The following SGCZ variants were observed in gnomAD, a reference collection of about 807,000 sequenced individuals.
SGCZ encodes the protein sarcoglycan zeta.
SGCZ carries 40 observed loss-of-function variants against 41.3 expected under a neutral mutation model. The ratio of observed to expected loss-of-function variants is 0.97; its 90% CI spans 0.75 to 1.26. SGCZ has a LOEUF of 1.26. Among genes scored for constraint, SGCZ ranks in the 50% most tolerant of loss-of-function variants. SGCZ has a pLI of 0.00. For synonymous variants in SGCZ, 206 were observed against 137.5 expected, an observed-to-expected ratio of 1.50 and a Z score of -3.49; for missense variants, 552 against 369.8, an observed-to-expected ratio of 1.49 and a Z score of -4.04.
chr8:14,790,628 T>C (rs2130467032), intron 1 of SGCZ, among the ~76,000 whole-genome samples: 1 of 152,218 alleles, frequency 6.6e-6, no homozygotes. Flanking sequence ...TATCCAATAA[T>C]ACGGAGATAG....
At chr8:14,388,274 T>G (rs918553735) in intron 2 of SGCZ, among the ~76,000 whole-genome samples, 1 of 152,038 alleles carries the variant, frequency 6.6e-6, no homozygotes, top group Non-Finnish European at 1.5e-5. Context: ...ATATCACAGT[T>G]GCAGCCATGT....
At chr8:14,191,479 T>A (rs568534281) in intron 4 of SGCZ, among the ~76,000 whole-genome samples, 2 of 152,324 alleles carry the variant, frequency 1.3e-5, no homozygotes, top group South Asian at 4.1e-4. Context: ...TAGGTATAGA[T>A]CTTTAATCCA....
intron 1 of SGCZ, among the ~76,000 whole-genome samples, chr8:14,789,790 C>G (rs141478320): frequency 9.8e-4 from 149 of 152,150 alleles, no homozygotes; most frequent in African/African-American, 3.4e-3. Flanking sequence ...TATTTTTGTA[C>G]TCTCAGTACA....
intron 1 of SGCZ, among the ~76,000 whole-genome samples, chr8:14,685,793 T>C (rs2117554457): frequency 6.6e-6 from 1 of 152,190 alleles, no homozygotes; most frequent in Non-Finnish European, 1.5e-5. Context: ...ACACAGCTGT[T>C]AGGAAAAAAA....
chr8:14,243,821 T>C (rs1402770143), intron 3 of SGCZ, among the ~76,000 whole-genome samples: 1 of 152,152 alleles, frequency 6.6e-6, no homozygotes, highest in Non-Finnish European at 1.5e-5. Flanking sequence ...CACCCTTCAG[T>C]TCCTCAGTCA....
chr8:14,694,304 G>A (rs1343173381), intron 1 of SGCZ, among the ~76,000 whole-genome samples: 1 of 152,152 alleles, frequency 6.6e-6, no homozygotes, highest in South Asian at 2.1e-4. Flanking sequence ...TTACAAAAGT[G>A]CTCTTTGAAA....
chr8:14,776,637 G>A (rs1192993098), intron 1 of SGCZ, among the ~76,000 whole-genome samples: 4 of 150,864 alleles, frequency 2.7e-5, no homozygotes, highest in East Asian at 3.9e-4. Flanking sequence ...GGGACTACAG[G>A]CGCCTACCAC....
At chr8:14,428,204 A>G (rs532292708) in intron 2 of SGCZ, among the ~76,000 whole-genome samples, 1 of 151,830 alleles carries the variant, frequency 6.6e-6, no homozygotes, top group East Asian at 1.9e-4. Flanking sequence ...ATAAGCACAT[A>G]ATTACCTATA....
intron 2 of SGCZ, among the ~76,000 whole-genome samples, chr8:14,512,442 G>A (rs550918360): frequency 2.0e-5 from 3 of 151,850 alleles, no homozygotes; most frequent in Non-Finnish European, 4.4e-5. Flanking sequence ...GTAGATTACA[G>A]CTGATGCCCC....
At chr8:14,202,888 C>G (rs1805500040) in intron 4 of SGCZ, among the ~76,000 whole-genome samples, 1 of 152,114 alleles carries the variant, frequency 6.6e-6, no homozygotes, top group Non-Finnish European at 1.5e-5. Context: ...AATTATAACT[C>G]CGACAATTCC....
At chr8:14,093,882 A>AAT (rs1442382988) in intron 7 of SGCZ, among the ~76,000 whole-genome samples, 1 of 152,082 alleles carries the variant, frequency 6.6e-6, no homozygotes, top group East Asian at 1.9e-4. Flanking sequence ...ATCCATTTGT[A>AAT]ATGTTACATT....
At chr8:14,191,678 T>G (rs544384634) in intron 4 of SGCZ, among the ~76,000 whole-genome samples, 3 of 152,130 alleles carry the variant, frequency 2.0e-5, no homozygotes, top group Non-Finnish European at 4.4e-5. Context: ...GAACTTGAGA[T>G]TGTATCACTA....
intron 1 of SGCZ, among the ~76,000 whole-genome samples, chr8:15,224,370 A>G (rs995871951): frequency 6.6e-6 from 1 of 151,932 alleles, no homozygotes; most frequent in Non-Finnish European, 1.5e-5. Flanking sequence ...GAATCAAGAC[A>G]GTGTAATACT....
chr8:14,194,172 T>C (rs1805195864), intron 4 of SGCZ, among the ~76,000 whole-genome samples: 1 of 151,946 alleles, frequency 6.6e-6, no homozygotes, highest in South Asian at 2.1e-4. Context: ...CTATGTTAGA[T>C]GCCTTTAAAA....
At chr8:14,128,768 G>C (rs989375436) in intron 5 of SGCZ, among the ~76,000 whole-genome samples, 4 of 151,702 alleles carry the variant, frequency 2.6e-5, no homozygotes, top group African/African-American at 4.8e-5. Flanking sequence ...CATAAAAAAA[G>C]AATAAAATCA....
At chr8:14,643,910 T>C (rs181731416) in intron 1 of SGCZ, among the ~76,000 whole-genome samples, 1 of 151,828 alleles carries the variant, frequency 6.6e-6, no homozygotes, top group Non-Finnish European at 1.5e-5. Flanking sequence ...AGAACTGCAA[T>C]GTATAAATTA....
At chr8:15,157,062 G>A (rs1038687298) in intron 1 of SGCZ, among the ~76,000 whole-genome samples, 3 of 151,836 alleles carry the variant, frequency 2.0e-5, no homozygotes, top group Non-Finnish European at 4.4e-5. Context: ...CATGAACAGT[G>A]AACCTCCAAT....
chr8:14,770,892 A>G (rs1800213722), intron 1 of SGCZ, among the ~76,000 whole-genome samples: 1 of 152,184 alleles, frequency 6.6e-6, no homozygotes, highest in Non-Finnish European at 1.5e-5. Flanking sequence ...ATTTAAAAAA[A>G]CAATAAATAT....
At chr8:14,990,021 T>C (rs78230755) in intron 1 of SGCZ, among the ~76,000 whole-genome samples, 2 of 152,144 alleles carry the variant, frequency 1.3e-5, no homozygotes, top group African/African-American at 2.4e-5. Flanking sequence ...TACATTTTAA[T>C]TGTAAGCACT....
Sources: gnomAD v4.1 joint callset for allele counts (sites outside exome capture counted in the v4.1 genomes callset) on GRCh38, gnomAD v4.1.1 for gene constraint, MANE v1.5 for transcripts, NCBI Gene and HGNC (gene_info 2026-07-23, HGNC 2026-07-21) for gene names.